NANS: variants seen among roughly 807,000 people sequenced by gnomAD.
NANS encodes N-acetylneuraminate synthase, also known as N-acetylneuraminate-9-phosphate synthase.
NANS carries 29 observed loss-of-function variants against 33.3 expected under a neutral mutation model. The observed-to-expected ratio is 0.87, with a 90% CI of 0.65 to 1.19. NANS has a LOEUF of 1.19. Ranked by LOEUF, NANS falls within the 50% of genes most tolerant of loss-of-function variation. NANS has a pLI of 0.00. For missense variants in NANS, 394 were observed against 461.1 expected (o/e 0.85, Z 1.33); for synonymous variants, 163 against 177.2 (o/e 0.92, Z 0.64).
intron 2 of NANS, among the ~76,000 whole-genome samples, chr9:98,067,593 C>G (rs1474758428): frequency 6.6e-6 from 1 of 152,078 alleles, no homozygotes; most frequent in Admixed American, 6.6e-5. Flanking sequence ...TTTATATATT[C>G]TTTTGAAATT....
At chr9:98,062,632 C>T (rs1829015470) in intron 2 of NANS, among the ~76,000 whole-genome samples, 1 of 152,000 alleles carries the variant, frequency 6.6e-6, no homozygotes. Flanking sequence ...GAGTTCTGTG[C>T]CTGCTTGTTT....
chr9:98,063,490 C>T (rs1411796631), intron 2 of NANS, among the ~76,000 whole-genome samples: 1 of 152,140 alleles, frequency 6.6e-6, no homozygotes, highest in Non-Finnish European at 1.5e-5. Context: ...TATCCATCTG[C>T]CTCAGCCTCC....
At chr9:98,077,375 T>A (rs75299558) in intron 3 of NANS, among the ~76,000 whole-genome samples, 2 of 136,690 alleles carry the variant, frequency 1.5e-5, no homozygotes, top group South Asian at 4.5e-4. Context: ...TTTTTAAGAA[T>A]TTTTTTTTTT....
At chr9:98,081,223 T>G in intron 5 of NANS, 141 bp downstream of exon 5, 5 of 1,072,004 alleles carry the variant, frequency 4.7e-6, no homozygotes, top group Non-Finnish European at 6.6e-6. Flanking sequence ...CCGTGTCAGC[T>G]TCTTCAGGCT....
intron 2 of NANS, among the ~76,000 whole-genome samples, chr9:98,063,699 G>A (rs998021774): frequency 6.6e-6 from 1 of 151,134 alleles, no homozygotes; most frequent in East Asian, 1.9e-4. Flanking sequence ...GTGCCAACAC[G>A]CTTGGCTAAT....
chr9:98,082,996 G>GTCATCCTCTTCA lies in NANS; in HGVS notation c.1021_1022insTCATCCTCTTCA (p.Glu341delinsValIleLeuPheLys). ...CAAGAAGGTCCTGGTCACTGTTGAA[G>GTCATCCTCTTCA]AGGATGACACCATCATGGAAGAATT... is the stretch of plus-strand genomic sequence containing the variant. On this transcript the variant is annotated protein_altering_variant, in exon 6 of 6. Transcript: ENST00000210444. The GTCATCCTCTTCA allele has an allele frequency of 6.2e-7, 1 of 1,614,228 alleles. No individual in the cohort carries two copies. The highest frequency in any genetic ancestry group is 8.5e-7 in the Non-Finnish European group (1 of 1,180,044).
At chr9:98,065,403 G>A (rs1452666645) in intron 2 of NANS, among the ~76,000 whole-genome samples, 1 of 135,062 alleles carries the variant, frequency 7.4e-6, no homozygotes, top group East Asian at 2.2e-4. Context: ...TGCGACTTCC[G>A]CCTCCTGGGT....
intron 2 of NANS, chr9:98,075,444 GGAAAGGGAGGAAA>G: frequency 6.8e-6 from 1 of 147,484 alleles, no homozygotes; most frequent in African/African-American, 2.5e-5. Flanking sequence ...AAGGGAGGAA[GGAAAGGGAGGAAA>G]GGGAGGGAGG....
intron 3 of NANS, among the ~76,000 whole-genome samples, chr9:98,077,421 G>C (rs1193915491): frequency 6.6e-6 from 1 of 151,024 alleles, no homozygotes; most frequent in Non-Finnish European, 1.5e-5. Flanking sequence ...TGTTGCCCAG[G>C]TTGGTCTTGA....
chr9:98,075,949 G>C (rs1829571510), intron 2 of NANS: 1 of 152,172 alleles, frequency 6.6e-6, no homozygotes, highest in South Asian at 2.1e-4. Context: ...CCTTCAGCAA[G>C]CATTTGCTGA....
At chr9:98,059,621 C>T (rs1828919460) in intron 1 of NANS, among the ~76,000 whole-genome samples, 1 of 152,076 alleles carries the variant, frequency 6.6e-6, no homozygotes, top group African/African-American at 2.4e-5. Context: ...TACTATGTTG[C>T]CGAGGCTGGT....
rs201608290 is a variant in NANS, at chr9:98,060,889, G to A, written c.240G>A (p.Thr80=). Residue 80 remains threonine (T), a synonymous_variant, in exon 2 of 6, where the codon ACG becomes ACA. Transcript: ENST00000210444. ...CCTCGAAGCATTCCTGGGGGAAGAC[G>A]TACGGGGAGCACAAACGACATCTGG... ...PYTSKHSWGK[T]YGEHKRHLEF... is the part of the protein sequence containing the mutation. 53 of 1,614,094 alleles carry A rather than the reference G, an allele frequency of 3.3e-5. No homozygotes were observed. The highest frequency in any genetic ancestry group is 3.3e-4 in the Middle Eastern group (2 of 6,084).
chr9:98,069,019 A>C (rs372044184), intron 2 of NANS, among the ~76,000 whole-genome samples: 1 of 152,198 alleles, frequency 6.6e-6, no homozygotes, highest in Non-Finnish European at 1.5e-5. Context: ...ACCACTTAAC[A>C]TAGACTGGGA....
chr9:98,062,777 GTTTTTTTTT>G (rs765558300), intron 2 of NANS, among the ~76,000 whole-genome samples: 1 of 109,314 alleles, frequency 9.1e-6, no homozygotes, highest in Admixed American at 1.0e-4. Context: ...AGTTATTTCA[GTTTTTTTTT>G]TTTTTTTTTT....
At chr9:98,066,654 T>TG (rs1829156721) in intron 2 of NANS, among the ~76,000 whole-genome samples, 1 of 83,670 alleles carries the variant, frequency 1.2e-5, no homozygotes, top group African/African-American at 4.8e-5. Context: ...CACTTACCGA[T>TG]TTTTTTTTTT....
chr9:98,074,308 A>G (rs1250400205), intron 2 of NANS, among the ~76,000 whole-genome samples: 1 of 152,096 alleles, frequency 6.6e-6, no homozygotes, highest in African/African-American at 2.4e-5. Context: ...ACTTTGTGCT[A>G]TGGGGCAGGA....
chr9:98,069,685 A>G (rs1334095275), intron 2 of NANS: 1 of 152,278 alleles, frequency 6.6e-6, no homozygotes, highest in Non-Finnish European at 1.5e-5. Context: ...CTTCCATGAC[A>G]TTCTGGAAAT....
At chr9:98,075,880 G>A (rs1829569300) in intron 2 of NANS, 1 of 152,106 alleles carries the variant, frequency 6.6e-6, no homozygotes, top group South Asian at 2.1e-4. Flanking sequence ...AAGTTTTTGA[G>A]TTCTTATAAT....
chr9:98,063,543 AGTTTTTTTT>A (rs1444578350), intron 2 of NANS, among the ~76,000 whole-genome samples: 1 of 144,752 alleles, frequency 6.9e-6, no homozygotes, highest in Non-Finnish European at 1.5e-5. Flanking sequence ...TGCCTGGCCT[AGTTTTTTTT>A]GTTTTTTGAG....
Sources: allele counts gnomAD v4.1 joint callset (sites outside exome capture counted in the v4.1 genomes callset), GRCh38; gene constraint gnomAD v4.1.1; transcripts MANE v1.5; gene names NCBI Gene and HGNC (gene_info 2026-07-23, HGNC 2026-07-21).